DSCAML1: variants seen among roughly 807,000 people sequenced by gnomAD.
The protein encoded by DSCAML1 is cell adhesion molecule DSCAML1.
DSCAML1 carries 38 observed loss-of-function variants against 200.5 expected under a neutral mutation model. That is an observed-to-expected ratio of 0.19 (90% CI 0.15 to 0.25). The LOEUF is 0.25. Among genes scored for constraint, DSCAML1 ranks in the 10% least tolerant of loss-of-function variants. The pLI, the probability that DSCAML1 is intolerant of heterozygous loss-of-function variation, is 1.00. For synonymous variants in DSCAML1, 1,215 were observed against 1,165.0 expected, an observed-to-expected ratio of 1.04 and a Z score of -0.87; for missense variants, 2,223 against 2,858.8, an observed-to-expected ratio of 0.78 and a Z score of 5.07.
At chr11:117,448,220 C>T (rs1186347083) in intron 20 of DSCAML1, among the ~76,000 whole-genome samples, 1 of 152,200 alleles carries the variant, frequency 6.6e-6, no homozygotes, top group African/African-American at 2.4e-5. Context: ...GGAAAGACTT[C>T]ATTATCAGAG....
intron 1 of DSCAML1, among the ~76,000 whole-genome samples, chr11:117,810,276 G>C (rs1169089328): frequency 1.3e-5 from 2 of 152,122 alleles, no homozygotes; most frequent in South Asian, 2.1e-4. Context: ...AGCGCCCTCT[G>C]GGGGAGGGGC....
Position 117,532,443 on chromosome 11 carries a change from G to A in DSCAML1, c.591C>T (p.Arg197=), listed in dbSNP as rs767798584. Reference sequence around the variant, plus strand: ...CGCTATACTTGTGCTTGGTGATGCAGCGATAGGTGGAGAGGGCGTCCTCCT... The same window carrying A: ...CGCTATACTTGTGCTTGGTGATGCAACGATAGGTGGAGAGGGCGTCCTCCT... ...VQKEDALSTY[R]CITKHKYSGE... Residue 197 remains arginine, a synonymous_variant, in exon 4 of 33, where the codon CGC becomes CGT. Transcript: ENST00000651296. 1.9e-6 allele frequency: 3 copies of A among 1,614,204 alleles called. No individual in the cohort carries two copies. Among genetic ancestry groups the A allele is most frequent in the East Asian group, 4.5e-5 (2 of 44,884 alleles).
At chr11:117,613,954 C>T (rs2051755505) in intron 3 of DSCAML1, among the ~76,000 whole-genome samples, 1 of 149,780 alleles carries the variant, frequency 6.7e-6, no homozygotes, top group Non-Finnish European at 1.5e-5. Flanking sequence ...CCTGATCTGG[C>T]TGCTGGGGTG....
At chr11:117,659,265 G>C (rs1022923779) in intron 3 of DSCAML1, among the ~76,000 whole-genome samples, 2 of 152,164 alleles carry the variant, frequency 1.3e-5, no homozygotes, top group African/African-American at 4.8e-5. Flanking sequence ...TGACAATCAC[G>C]CTTAGAGCTT....
chr11:117,780,467 G>T lies in DSCAML1; in HGVS notation c.364+26C>A. 6 of 1,419,326 alleles carry T rather than the reference G, an allele frequency of 4.2e-6. No individual in the cohort carries two copies. Among genetic ancestry groups the T allele is most frequent in the Non-Finnish European group, 5.5e-6 (6 of 1,082,522 alleles). The allele number at this position is 1,419,326 out of a possible 1,614,324, so 87.9% of individuals were successfully genotyped here. A position where few individuals can be genotyped will look rare whatever the true frequency, so the allele number is the denominator to read the frequency against. On this transcript the variant is annotated intron_variant, in intron 2 of 32. Transcript: ENST00000651296. The surrounding 1 kb of genome is among the most constrained non-coding windows in gnomAD (Gnocchi z 4.8). ...CGGCGCAGCCTCCTCCTGTGCCACT[G>T]GGGCAGCCAGTGTCTTGTCCCTTAC...
intron 3 of DSCAML1, among the ~76,000 whole-genome samples, chr11:117,745,039 C>T (rs574250744): frequency 8.7e-4 from 133 of 152,294 alleles, no homozygotes; most frequent in African/African-American, 2.3e-3. Context: ...CTGAGCGAAC[C>T]GCACAGATGC....
chr11:117,632,254 G>A (rs1047228580), intron 3 of DSCAML1, among the ~76,000 whole-genome samples: 17 of 152,308 alleles, frequency 1.1e-4, no homozygotes, highest in African/African-American at 1.9e-4. Flanking sequence ...AGCCACATGC[G>A]GTCTTGGATG....
intron 14 of DSCAML1, among the ~76,000 whole-genome samples, chr11:117,474,170 A>T (rs765427692): frequency 2.0e-5 from 3 of 152,176 alleles, no homozygotes; most frequent in Non-Finnish European, 2.9e-5. Context: ...TCCTCCTGCG[A>T]CATCAGTGCT....
At chr11:117,667,936 T>C (rs1591380380) in intron 3 of DSCAML1, among the ~76,000 whole-genome samples, 1 of 152,206 alleles carries the variant, frequency 6.6e-6, no homozygotes, top group South Asian at 2.1e-4. Flanking sequence ...GATGATCTAC[T>C]ACTGCTCATT....
chr11:117,593,120 G>A (rs1219024002), intron 3 of DSCAML1, among the ~76,000 whole-genome samples: 1 of 152,236 alleles, frequency 6.6e-6, no homozygotes, highest in African/African-American at 2.4e-5. Context: ...GAAGAAAGGG[G>A]GCAGTGAGGG....
intron 3 of DSCAML1, among the ~76,000 whole-genome samples, chr11:117,608,859 G>C (rs868660210): frequency 1.7e-5 from 1 of 58,016 alleles, no homozygotes; most frequent in Non-Finnish European, 3.7e-5. Flanking sequence ...CACCTTTGCT[G>C]ACATTGAGCA....
chr11:117,774,431 T>A (rs1353097055), intron 3 of DSCAML1, among the ~76,000 whole-genome samples: 2 of 152,204 alleles, frequency 1.3e-5, no homozygotes, highest in East Asian at 3.8e-4. Flanking sequence ...CGGGCAGTGT[T>A]CTAGACATTG....
rs576749301 is a variant in DSCAML1, at chr11:117,596,387, G to GA, written c.512-63866dup. 2.5e-3 allele frequency among the ~76,000 whole-genome samples: 341 copies of GA among 138,462 alleles called. 1 individual carries two copies. The highest frequency in any genetic ancestry group is 6.5e-3 in the East Asian group (31 of 4,746). 90.8% of individuals were successfully genotyped at this position (138,462 alleles called of 152,430 possible). On this transcript the variant is annotated intron_variant, in intron 3 of 32. Transcript: ENST00000651296. Reference sequence around the variant, plus strand: ...AGCCAGAACATGCCATTCTTCTCAGGAAAAAAAAAAAAAAAATCTCAGTAG... The same window carrying GA: ...AGCCAGAACATGCCATTCTTCTCAGGAAAAAAAAAAAAAAAAATCTCAGTAG...
intron 3 of DSCAML1, among the ~76,000 whole-genome samples, chr11:117,755,488 C>T (rs1204583863): frequency 6.6e-6 from 1 of 152,106 alleles, no homozygotes; most frequent in Non-Finnish European, 1.5e-5. Flanking sequence ...GCCAAGAATC[C>T]ATCCCTGCCC....
intron 21 of DSCAML1, among the ~76,000 whole-genome samples, chr11:117,441,322 G>A (rs952791628): frequency 3.9e-5 from 6 of 152,226 alleles, no homozygotes; most frequent in Non-Finnish European, 7.3e-5. Context: ...CCACAGGTGG[G>A]TGCGTGTTCT....
At chr11:117,432,261 T>C in intron 30 of DSCAML1, 91 bp downstream of exon 30, 6 of 1,383,870 alleles carry the variant, frequency 4.3e-6, no homozygotes, top group African/African-American at 1.5e-5. Flanking sequence ...AGCTCCCTCC[T>C]CCCTTTAAAA....
At chr11:117,526,850 A>T (rs1020735037) in intron 4 of DSCAML1, among the ~76,000 whole-genome samples, 5 of 151,964 alleles carry the variant, frequency 3.3e-5, no homozygotes, top group Non-Finnish European at 7.4e-5. Context: ...AAATGTTTTA[A>T]TAATAGGTCA....
intron 14 of DSCAML1, among the ~76,000 whole-genome samples, chr11:117,478,323 G>A (rs1041831061): frequency 3.3e-5 from 5 of 152,152 alleles, no homozygotes; most frequent in African/African-American, 4.8e-5. Flanking sequence ...CAGGGAGGCG[G>A]TGTGTGCAGT....
At chr11:117,440,584 C>T (rs372883448) in intron 21 of DSCAML1, among the ~76,000 whole-genome samples, 1 of 152,122 alleles carries the variant, frequency 6.6e-6, no homozygotes, top group Non-Finnish European at 1.5e-5. Context: ...GGAGACTGGA[C>T]TCCCTCTTAG....
Sources: gnomAD v4.1 joint callset for allele counts (sites outside exome capture counted in the v4.1 genomes callset) on GRCh38, gnomAD v4.1.1 for gene constraint, Gnocchi (gnomAD v3.1) non-coding constraint, MANE v1.5 for transcripts, NCBI Gene and HGNC (gene_info 2026-07-23, HGNC 2026-07-21) for gene names.